The following GPD1L variants were observed in gnomAD, a reference collection of about 807,000 sequenced individuals.
GPD1L encodes glycerol-3-phosphate dehydrogenase 1 like.
Under a neutral mutation model 32.9 loss-of-function variants are expected in GPD1L, and 17 were observed. The ratio of observed to expected loss-of-function variants is 0.52; its 90% CI spans 0.35 to 0.78. The LOEUF (loss-of-function observed/expected upper bound fraction) is 0.78. Ranked by LOEUF, GPD1L falls within the 30% of genes least tolerant of loss-of-function variation. The probability of loss-of-function intolerance (pLI) is 0.01; values close to 1 mark genes in which losing one functional copy is unlikely to be tolerated. For missense variants in GPD1L, 361 were observed against 447.8 expected (o/e 0.81, Z 1.75); for synonymous variants, 187 against 165.9 (o/e 1.13, Z -0.98).
intron 1 of GPD1L, among the ~76,000 whole-genome samples, chr3:32,117,896 T>A (rs770952848): frequency 1.3e-5 from 2 of 152,204 alleles, no homozygotes; most frequent in Non-Finnish European, 2.9e-5. Flanking sequence ...TGACCATTCC[T>A]CCATTCACTC....
chr3:32,156,421 G>A (rs1700990119), intron 5 of GPD1L, among the ~76,000 whole-genome samples: 1 of 152,180 alleles, frequency 6.6e-6, no homozygotes, highest in South Asian at 2.1e-4. Flanking sequence ...TGACTGCAAT[G>A]AGAGGCATAA....
chr3:32,140,291 A>G lies in GPD1L; in HGVS notation c.430A>G (p.Ile144Val). 1 of 1,613,962 alleles carries G rather than the reference A, an allele frequency of 6.2e-7. No homozygotes were observed. Among genetic ancestry groups the G allele is most frequent in the Non-Finnish European group, 8.5e-7 (1 of 1,179,886 alleles). The part of the protein sequence containing the change: ...ISDIIREKMG[I>V]DISVLMGANI... ...TGACATCATCCGTGAGAAGATGGGT[A>G]TTGACATCAGTGTGCTGATGGGAGC... The change falls in exon 4 of 8, where the codon ATT becomes GTT. Residue 144 changes from isoleucine to valine, a missense_variant. Coordinates refer to ENST00000282541, the MANE Select transcript of GPD1L (RefSeq NM_015141.4).
chr3:32,116,573 G>C (rs1395318702), intron 1 of GPD1L, among the ~76,000 whole-genome samples: 6 of 152,120 alleles, frequency 3.9e-5, no homozygotes, highest in Admixed American at 1.3e-4. Context: ...GCCAGGAAAG[G>C]GTGCTGTGAC....
At chr3:32,149,544 A>C (rs1010277228) in intron 5 of GPD1L, among the ~76,000 whole-genome samples, 3 of 152,336 alleles carry the variant, frequency 2.0e-5, no homozygotes, top group African/African-American at 7.2e-5. Context: ...ATGCATAATC[A>C]TTTTGTACCA....
Position 32,158,692 on chromosome 3 carries a change from C to T in GPD1L, c.619-184C>T, listed in dbSNP as rs548939034. 15 of 1,339,392 alleles carry T rather than the reference C, an allele frequency of 1.1e-5. No homozygotes were observed. The Admixed American group carries it at 2.8e-4, about 25-fold the overall frequency. The allele number at this position is 1,339,392 out of a possible 1,614,324, so 83.0% of individuals were successfully genotyped here. A position where few individuals can be genotyped will look rare whatever the true frequency, so the allele number is the denominator to read the frequency against. On this transcript the variant is annotated intron_variant, in intron 5 of 7. Coordinates refer to ENST00000282541, the MANE Select transcript of GPD1L (RefSeq NM_015141.4). ...TGTCCTAGAAAGGGGAATATGGAAG[C>T]CCTGTCTCTCCTTTCGTCATCTCTT...
At chr3:32,127,544 G>T (rs1258177035) in intron 1 of GPD1L, among the ~76,000 whole-genome samples, 1 of 152,252 alleles carries the variant, frequency 6.6e-6, no homozygotes, top group Non-Finnish European at 1.5e-5. Flanking sequence ...GCAGAGAAAA[G>T]GGAGCTTGGG....
intron 1 of GPD1L, among the ~76,000 whole-genome samples, chr3:32,124,828 G>A (rs1367793319): frequency 6.6e-6 from 1 of 152,108 alleles, no homozygotes; most frequent in Non-Finnish European, 1.5e-5. Context: ...CGAGGGGCCA[G>A]GGATGATTCC....
intron 1 of GPD1L, among the ~76,000 whole-genome samples, chr3:32,111,170 GTTTC>G (rs1268156932): frequency 6.6e-6 from 1 of 152,184 alleles, no homozygotes; most frequent in Non-Finnish European, 1.5e-5. Flanking sequence ...CTGGCCCAAA[GTTTC>G]TTTCTTTTAA....
intron 2 of GPD1L, among the ~76,000 whole-genome samples, chr3:32,135,326 C>T (rs1700648090): frequency 1.3e-5 from 2 of 152,218 alleles, no homozygotes; most frequent in Admixed American, 1.3e-4. Flanking sequence ...GATCGGAGTT[C>T]TTGTGAAGGC....
At chr3:32,156,733 G>A (rs1324380375) in intron 5 of GPD1L, among the ~76,000 whole-genome samples, 1 of 152,144 alleles carries the variant, frequency 6.6e-6, no homozygotes, top group African/African-American at 2.4e-5. Flanking sequence ...TATGTTTGAT[G>A]TGTTTTATCA....
chr3:32,130,091 G>A lies in GPD1L; in HGVS notation c.225+1838G>A, dbSNP rs147658285. 4.6e-5 allele frequency among the ~76,000 whole-genome samples: 7 copies of A among 152,232 alleles called. No individual in the cohort carries two copies. In the East Asian group the frequency reaches 1.4e-3, roughly 30 times the overall value. On this transcript the variant is annotated intron_variant, in intron 2 of 7. Transcript: ENST00000282541. ...GGATATTTGAGGAATGTTGGGGGAA[G>A]TGAATCTGCTGAGTGGTTCTGTGAA...
chr3:32,152,868 AG>A (rs1700939623), intron 5 of GPD1L, among the ~76,000 whole-genome samples: 1 of 149,112 alleles, frequency 6.7e-6, no homozygotes, highest in Non-Finnish European at 1.5e-5. Flanking sequence ...AGACAGACAA[AG>A]AGCACGTGGC....
intron 1 of GPD1L, among the ~76,000 whole-genome samples, chr3:32,126,112 C>T (rs2018137): frequency 0.34 from 51,208 of 151,962 alleles, 9,172 homozygotes; most frequent in East Asian, 0.49. Flanking sequence ...GAAGGATCAC[C>T]TGAGCCCAGG....
In GPD1L at chr3:32,158,706, T is replaced by G. The variant is rs983660927; in HGVS notation, c.619-170T>G. ...GAATATGGAAGCCCTGTCTCTCCTT[T>G]CGTCATCTCTTTCACCCAGGTGTAC... On this transcript the variant is annotated intron_variant, in intron 5 of 7. Coordinates refer to ENST00000282541, the MANE Select transcript of GPD1L (RefSeq NM_015141.4). 3 of 1,442,948 alleles carry G rather than the reference T, an allele frequency of 2.1e-6. No individual in the cohort carries two copies. In the Admixed American group the frequency reaches 6.5e-5, roughly 31 times the overall value. 89.4% of individuals were successfully genotyped at this position (1,442,948 alleles called of 1,614,324 possible).
chr3:32,146,369 A>C (rs1047421017), intron 4 of GPD1L, among the ~76,000 whole-genome samples: 2 of 152,106 alleles, frequency 1.3e-5, no homozygotes, highest in African/African-American at 4.8e-5. Context: ...TACAGGTGTG[A>C]GTCATCGTGT....
intron 4 of GPD1L, among the ~76,000 whole-genome samples, chr3:32,146,123 G>A (rs1298015389): frequency 3.7e-5 from 5 of 134,046 alleles, no homozygotes; most frequent in African/African-American, 5.5e-5. Context: ...GTCTCGCTCT[G>A]TTGCCCAGGA....
chr3:32,112,672 TC>T (rs1049652851), intron 1 of GPD1L, among the ~76,000 whole-genome samples: 2 of 152,102 alleles, frequency 1.3e-5, no homozygotes, highest in African/African-American at 4.8e-5. Context: ...TGACTACTAT[TC>T]TAGGAATGAG....
At chr3:32,145,188 G>A (rs1027953853) in intron 4 of GPD1L, among the ~76,000 whole-genome samples, 14 of 151,918 alleles carry the variant, frequency 9.2e-5, no homozygotes, top group African/African-American at 3.1e-4. Context: ...GTATGGTGGC[G>A]CATGCCTATA....
In GPD1L at chr3:32,168,061, G is replaced by A. The variant is rs1701173504; in HGVS notation, c.*2151G>A. The A allele has an allele frequency of 6.6e-6, 1 of 152,152 alleles. No homozygotes were observed. The highest frequency in any genetic ancestry group is 1.5e-5 in the Non-Finnish European group (1 of 68,030). The allele number at this position is 152,152 out of a possible 1,614,324, so 9.4% of individuals were successfully genotyped here. On this transcript the variant is annotated 3_prime_UTR_variant, in exon 8 of 8. Transcript: ENST00000282541. Reference sequence around the variant, plus strand: ...GATGTGAGGAGTTGGAACTTTGCGTGTTTTGCGTATTTTCATCTGCATTCA... The same window carrying A: ...GATGTGAGGAGTTGGAACTTTGCGTATTTTGCGTATTTTCATCTGCATTCA...
Sources: gnomAD v4.1 joint callset for allele counts (sites outside exome capture counted in the v4.1 genomes callset) on GRCh38, gnomAD v4.1.1 for gene constraint, MANE v1.5 for transcripts, NCBI Gene and HGNC (gene_info 2026-07-23, HGNC 2026-07-21) for gene names.